Variants in VIT observed in about 807,000 individuals in gnomAD.
VIT encodes the protein vitrin.
Under a neutral mutation model 78.0 loss-of-function variants are expected in VIT, and 99 were observed. That is an observed-to-expected ratio of 1.27 (90% CI 1.08 to 1.50). VIT has a LOEUF of 1.50. Ranked by LOEUF, VIT falls within the 40% of genes most tolerant of loss-of-function variation. The pLI is 0.00. For synonymous variants in VIT, 374 were observed against 334.3 expected (o/e 1.12, Z -1.29); for missense variants, 1,126 against 875.3 (o/e 1.29, Z -3.61).
At chr2:36,746,688 C>A (rs1380731086) in intron 4 of VIT, among the ~76,000 whole-genome samples, 1 of 151,924 alleles carries the variant, frequency 6.6e-6, no homozygotes, top group African/African-American at 2.4e-5. Context: ...GGTCTTCTTT[C>A]TTTTTTCCTT....
At chr2:36,736,759 C>T (rs1028376696) in intron 3 of VIT, among the ~76,000 whole-genome samples, 5 of 152,206 alleles carry the variant, frequency 3.3e-5, no homozygotes, top group African/African-American at 7.2e-5. Context: ...GGTTAGAGGC[C>T]TCCTGTATGC....
intron 10 of VIT, 26 bp downstream of exon 10, chr2:36,781,797 C>G (rs1664777397): frequency 6.2e-7 from 1 of 1,613,594 alleles, no homozygotes; most frequent in African/African-American, 1.3e-5. Flanking sequence ...AACCTCTCAG[C>G]CACGCGTGGA....
At chr2:36,812,545 C>T (rs1010816665) in intron 15 of VIT, among the ~76,000 whole-genome samples, 6 of 152,126 alleles carry the variant, frequency 3.9e-5, no homozygotes, top group African/African-American at 1.4e-4. Context: ...ATCCCATCCT[C>T]TCCTCCCTGG....
intron 7 of VIT, among the ~76,000 whole-genome samples, chr2:36,770,148 A>G (rs566402717): frequency 6.9e-4 from 105 of 152,284 alleles, no homozygotes; most frequent in African/African-American, 2.4e-3. Context: ...TATTCATTCA[A>G]CAAACGTTTT....
chr2:36,803,447 C>T (rs1433097534), intron 13 of VIT, among the ~76,000 whole-genome samples: 1 of 152,168 alleles, frequency 6.6e-6, no homozygotes, highest in Non-Finnish European at 1.5e-5. Flanking sequence ...CCATGGCCTC[C>T]AGATATAAGG....
chr2:36,744,867 G>A (rs1329840724), intron 4 of VIT, among the ~76,000 whole-genome samples: 2 of 152,048 alleles, frequency 1.3e-5, no homozygotes, highest in African/African-American at 2.4e-5. Flanking sequence ...TGCTTTTGAG[G>A]ACTTAGACAT....
intron 9 of VIT, among the ~76,000 whole-genome samples, chr2:36,780,426 A>G (rs1164553719): frequency 6.6e-6 from 1 of 152,244 alleles, no homozygotes; most frequent in Non-Finnish European, 1.5e-5. Flanking sequence ...GTAGGTGGCG[A>G]TAAAGTAATA....
At chr2:36,740,711 G>GA (rs769743226) in intron 3 of VIT, among the ~76,000 whole-genome samples, 125 of 150,170 alleles carry the variant, frequency 8.3e-4, no homozygotes, top group African/African-American at 1.9e-3. Flanking sequence ...TTTGTAAGGG[G>GA]AAAAAAAAAG....
intron 3 of VIT, among the ~76,000 whole-genome samples, chr2:36,733,613 A>G (rs1667336795): frequency 6.6e-6 from 1 of 152,244 alleles, no homozygotes; most frequent in Admixed American, 6.5e-5. Context: ...ACAGATTTAC[A>G]TGCATATACA....
At chr2:36,772,109 A>G (rs1273585943) in intron 7 of VIT, among the ~76,000 whole-genome samples, 1 of 152,196 alleles carries the variant, frequency 6.6e-6, no homozygotes, top group Admixed American at 6.5e-5. Context: ...TTAAACAGAA[A>G]ATAAGGCTGC....
chr2:36,731,896 G>C (rs1667234471), intron 3 of VIT, among the ~76,000 whole-genome samples: 2 of 152,148 alleles, frequency 1.3e-5, no homozygotes, highest in Admixed American at 1.3e-4. Context: ...TGAAATAAAA[G>C]AAAGATTTGC....
chr2:36,715,542 A>C (rs1205170045), intron 1 of VIT, among the ~76,000 whole-genome samples: 2 of 152,108 alleles, frequency 1.3e-5, no homozygotes. Context: ...TCTAAAAAAA[A>C]AAATAAAAAA....
intron 4 of VIT, among the ~76,000 whole-genome samples, chr2:36,748,651 C>T (rs1471150123): frequency 6.6e-6 from 1 of 152,122 alleles, no homozygotes; most frequent in Non-Finnish European, 1.5e-5. Flanking sequence ...TTATGGGCTT[C>T]CTTGGATTAG....
chr2:36,805,559 T>G lies in VIT; in HGVS notation c.1284T>G (p.Ala428=). 6.2e-7 allele frequency: 1 copy of G among 1,614,122 alleles called. No homozygotes were observed. The highest frequency in any genetic ancestry group is 8.5e-7 in the Non-Finnish European group (1 of 1,180,014). Residue 428 remains alanine, a synonymous_variant, in exon 14 of 16, where the codon GCT becomes GCG. Transcript: ENST00000379242. The part of the protein sequence containing the change: ...DGWPTDKVEE[A]SRLARESGIN... ...GGCCCACGGACAAAGTGGAGGAGGC[T>G]TCAAGACTTGCGAGAGAGTCAGGAA... is the stretch of plus-strand genomic sequence containing the variant.
chr2:36,787,090 G>A, intron 11 of VIT, 39 bp from the exon 12 acceptor site: 1 of 1,611,188 alleles, frequency 6.2e-7, no homozygotes, highest in Non-Finnish European at 8.5e-7. Context: ...AATGCAGTGA[G>A]AGATCATGAG....
At chr2:36,733,427 G>A (rs1161746210) in intron 3 of VIT, among the ~76,000 whole-genome samples, 2 of 152,180 alleles carry the variant, frequency 1.3e-5, no homozygotes, top group East Asian at 1.9e-4. Context: ...CATCAGGCGA[G>A]CCTGGCAGGG....
chr2:36,791,681 G>A (rs1468439178), intron 12 of VIT, among the ~76,000 whole-genome samples: 1 of 152,206 alleles, frequency 6.6e-6, no homozygotes, highest in Non-Finnish European at 1.5e-5. Flanking sequence ...ACATGAGCAA[G>A]AAGTGCAGGC....
intron 10 of VIT, among the ~76,000 whole-genome samples, chr2:36,782,878 A>T (rs1260858557): frequency 6.6e-6 from 1 of 152,214 alleles, no homozygotes; most frequent in Non-Finnish European, 1.5e-5. Flanking sequence ...AATCCTCATT[A>T]GATTGTCCTT....
chr2:36,699,840 C>T (rs1664936891), intron 1 of VIT, among the ~76,000 whole-genome samples: 1 of 146,878 alleles, frequency 6.8e-6, no homozygotes, highest in South Asian at 2.2e-4. Flanking sequence ...ATGGACCTTC[C>T]TGTGCTATGG....
Sources: allele counts gnomAD v4.1 joint callset (sites outside exome capture counted in the v4.1 genomes callset), GRCh38; gene constraint gnomAD v4.1.1; transcripts MANE v1.5; gene names NCBI Gene and HGNC (gene_info 2026-07-23, HGNC 2026-07-21).